The following MTUS2 variants were observed in gnomAD, a reference collection of about 807,000 sequenced individuals.
MTUS2 encodes microtubule associated scaffold protein 2.
Under a neutral mutation model 114.1 loss-of-function variants are expected in MTUS2, and 40 were observed. The ratio of observed to expected loss-of-function variants is 0.35; its 90% CI spans 0.27 to 0.46. The LOEUF is 0.46. MTUS2 is among the 20% of genes least tolerant of loss of function. MTUS2 has a pLI of 1.00. For missense variants in MTUS2, 1,679 were observed against 1,705.4 expected (o/e 0.98, Z 0.27); for synonymous variants, 688 against 672.0 (o/e 1.02, Z -0.37).
intron 4 of MTUS2, among the ~76,000 whole-genome samples, chr13:29,079,319 G>A (rs1889338154): frequency 6.6e-6 from 1 of 152,048 alleles, no homozygotes; most frequent in Non-Finnish European, 1.5e-5. Flanking sequence ...ATACATGTTG[G>A]ATATTAGACA....
At chr13:29,062,928 C>T (rs768841904) in intron 4 of MTUS2, among the ~76,000 whole-genome samples, 5 of 152,156 alleles carry the variant, frequency 3.3e-5, no homozygotes, top group Non-Finnish European at 7.4e-5. Context: ...ACATCATTTT[C>T]GTGTTTTTGA....
chr13:29,293,955 A>G (rs1378454449), intron 6 of MTUS2, among the ~76,000 whole-genome samples: 1 of 152,144 alleles, frequency 6.6e-6, no homozygotes, highest in East Asian at 1.9e-4. Flanking sequence ...GTGGTGTTCA[A>G]TTGGAGGAAA....
chr13:28,948,047 A>G (rs746042226), intron 2 of MTUS2, among the ~76,000 whole-genome samples: 5 of 152,222 alleles, frequency 3.3e-5, no homozygotes, highest in African/African-American at 4.8e-5. Context: ...TTTCTTGTTC[A>G]AAGATGACAG....
chr13:28,859,007 G>A (rs188962702), intron 2 of MTUS2, among the ~76,000 whole-genome samples: 1 of 152,324 alleles, frequency 6.6e-6, no homozygotes, highest in Non-Finnish European at 1.5e-5. Flanking sequence ...AGGAAGGGAA[G>A]CAAGAATAAT....
intron 5 of MTUS2, among the ~76,000 whole-genome samples, chr13:29,210,776 T>C (rs933812642): frequency 2.0e-5 from 3 of 152,198 alleles, no homozygotes; most frequent in Non-Finnish European, 2.9e-5. Context: ...TCTGATGTCA[T>C]CTGTCTTCAG....
chr13:29,393,350 G>A (rs530097324), intron 8 of MTUS2, among the ~76,000 whole-genome samples: 132 of 150,708 alleles, frequency 8.8e-4, no homozygotes, highest in Admixed American at 1.6e-3. Flanking sequence ...TGTCGCTCCC[G>A]CTCCATTTCC....
At chr13:29,188,026 A>C (rs1462331051) in intron 5 of MTUS2, among the ~76,000 whole-genome samples, 1 of 152,206 alleles carries the variant, frequency 6.6e-6, no homozygotes, top group Non-Finnish European at 1.5e-5. Flanking sequence ...CTGACTGTCC[A>C]TCACCTGGAG....
chr13:29,029,934 A>T (rs992512724), intron 3 of MTUS2, among the ~76,000 whole-genome samples: 30 of 152,180 alleles, frequency 2.0e-4, no homozygotes, highest in Non-Finnish European at 5.9e-5. Flanking sequence ...AACATTGGAG[A>T]TCACATTTCA....
chr13:28,939,842 GA>G (rs1882127253), intron 2 of MTUS2, among the ~76,000 whole-genome samples: 1 of 152,170 alleles, frequency 6.6e-6, no homozygotes, highest in Non-Finnish European at 1.5e-5. Flanking sequence ...AAGTTTAATG[GA>G]TTCACAGTTC....
Position 29,359,468 on chromosome 13 carries a change from A to G in MTUS2, c.3112A>G (p.Arg1038Gly). 6.2e-7 allele frequency: 1 copy of G among 1,608,926 alleles called. No individual in the cohort carries two copies. Among genetic ancestry groups the G allele is most frequent in the Non-Finnish European group, 8.5e-7 (1 of 1,178,358 alleles). ...CGCCGTGGCCACGCAGCATTTCTTTAGAAAGGTGAGGCCCCATTTCGTGAA... is the reference window on the plus strand; with the variant it reads ...CGCCGTGGCCACGCAGCATTTCTTTGGAAAGGTGAGGCCCCATTTCGTGAA... Reference protein sequence around the residue: ...ALAVATQHFFRKNESALVKEK... With the variant: ...ALAVATQHFFGKNESALVKEK... Residue 1038 changes from arginine (R) to glycine (G), a missense_variant, in exon 8 of 16, where the codon AGA becomes GGA. Physicochemically the swap from Arg to Gly is moderately radical, Grantham distance 125 (BLOSUM62 -2). Around this residue, in one of 3 missense-constraint regions of MTUS2, gnomAD observed 822 missense variants for 899.7 expected, o/e 0.91. Coordinates refer to ENST00000612955, the MANE Select transcript of MTUS2 (RefSeq NM_001033602.4).
intron 5 of MTUS2, among the ~76,000 whole-genome samples, chr13:29,225,786 A>G (rs1896084325): frequency 6.6e-6 from 1 of 152,148 alleles, no homozygotes; most frequent in African/African-American, 2.4e-5. Context: ...TGTTAATAGA[A>G]TATCTAGTGT....
At chr13:28,947,961 T>C (rs1178260463) in intron 2 of MTUS2, among the ~76,000 whole-genome samples, 1 of 152,208 alleles carries the variant, frequency 6.6e-6, no homozygotes, top group East Asian at 1.9e-4. Context: ...GAGACTGTAA[T>C]TGGTTTTAAG....
chr13:28,888,723 C>T (rs973062506), intron 2 of MTUS2, among the ~76,000 whole-genome samples: 1 of 152,162 alleles, frequency 6.6e-6, no homozygotes, highest in African/African-American at 2.4e-5. Context: ...CGCTCGGCTC[C>T]TCTTGGCATC....
Position 29,025,498 on chromosome 13 carries a change from T to A in MTUS2, c.800T>A (p.Leu267Gln). The A allele has an allele frequency of 1.2e-6, 2 of 1,613,544 alleles. No individual in the cohort carries two copies. Among genetic ancestry groups the A allele is most frequent in the Non-Finnish European group, 8.5e-7 (1 of 1,179,676 alleles). The change falls in exon 3 of 16, where the codon CTG becomes CAG. Residue 267 changes from leucine to glutamine, a missense_variant. Physicochemically the swap from Leu to Gln is moderately radical, Grantham distance 113. Coordinates refer to ENST00000612955, the MANE Select transcript of MTUS2 (RefSeq NM_001033602.4). ...SETQTVGAHV[L>Q]QVCSEHTSHS... ...ACCCAAACAGTGGGGGCACATGTACTGCAGGTGTGCAGTGAGCACACATCA... is the reference window on the plus strand; with the variant it reads ...ACCCAAACAGTGGGGGCACATGTACAGCAGGTGTGCAGTGAGCACACATCA...
intron 2 of MTUS2, among the ~76,000 whole-genome samples, chr13:28,869,872 G>A (rs1322873774): frequency 2.0e-5 from 3 of 152,116 alleles, no homozygotes; most frequent in Non-Finnish European, 4.4e-5. Flanking sequence ...ATAAATTTTT[G>A]TTACTGTCAG....
intron 5 of MTUS2, among the ~76,000 whole-genome samples, chr13:29,161,352 T>A (rs578167934): frequency 6.6e-6 from 1 of 152,134 alleles, no homozygotes; most frequent in South Asian, 2.1e-4. Flanking sequence ...GTGAGTGATA[T>A]AATTGAAGGA....
At chr13:29,328,990 C>T (rs1345164913) in intron 7 of MTUS2, among the ~76,000 whole-genome samples, 1 of 152,122 alleles carries the variant, frequency 6.6e-6, no homozygotes, top group African/African-American at 2.4e-5. Context: ...GTGACTCCCC[C>T]AGGCCCTTAG....
At chr13:29,148,730 G>A (rs1344826898) in intron 5 of MTUS2, among the ~76,000 whole-genome samples, 2 of 64,910 alleles carry the variant, frequency 3.1e-5, no homozygotes, top group Non-Finnish European at 9.4e-5. Context: ...CGCCCGCCTC[G>A]GCCTCCCAAA....
chr13:29,158,956 A>G (rs1038956730), intron 5 of MTUS2, among the ~76,000 whole-genome samples: 1 of 152,178 alleles, frequency 6.6e-6, no homozygotes, highest in Non-Finnish European at 1.5e-5. Flanking sequence ...GCTCAACTTG[A>G]TGGAGCAGTA....
Sources: gnomAD v4.1 joint callset for allele counts (sites outside exome capture counted in the v4.1 genomes callset) on GRCh38, gnomAD v4.1.1 for gene constraint, gnomAD v4.1.1 regional missense constraint, MANE v1.5 for transcripts, NCBI Gene and HGNC (gene_info 2026-07-23, HGNC 2026-07-21) for gene names.